MCF2L2: variants seen among roughly 807,000 people sequenced by gnomAD.
The protein encoded by MCF2L2 is probable guanine nucleotide exchange factor MCF2L2.
Under a neutral mutation model 150.2 loss-of-function variants are expected in MCF2L2, and 102 were observed. The ratio of observed to expected loss-of-function variants is 0.68; its 90% CI spans 0.58 to 0.80. The LOEUF (loss-of-function observed/expected upper bound fraction) is 0.80, where lower values mean the gene tolerates loss of function less well. Among genes scored for constraint, MCF2L2 ranks in the 30% least tolerant of loss-of-function variants. The pLI is 0.00. For missense variants in MCF2L2, 1,256 were observed against 1,372.8 expected (o/e 0.91, Z 1.34); for synonymous variants, 465 against 491.3 (o/e 0.95, Z 0.71).
chr3:183,252,987 G>C (rs1724638951), intron 15 of MCF2L2, among the ~76,000 whole-genome samples: 1 of 152,206 alleles, frequency 6.6e-6, no homozygotes, highest in African/African-American at 2.4e-5. Context: ...GAGGAAAATA[G>C]CTCAAAGAGG....
intron 1 of MCF2L2, among the ~76,000 whole-genome samples, chr3:183,427,214 A>G (rs921149364): frequency 2.0e-5 from 3 of 152,202 alleles, no homozygotes. Flanking sequence ...AACTGTCTCA[A>G]TGTCCTCTTG....
intron 15 of MCF2L2, among the ~76,000 whole-genome samples, chr3:183,239,998 T>C (rs1188757981): frequency 6.6e-6 from 1 of 152,128 alleles, no homozygotes; most frequent in Admixed American, 6.5e-5. Flanking sequence ...AAAACACAGG[T>C]GTTGTTTCAA....
At chr3:183,297,950 T>G (rs984875975) in intron 11 of MCF2L2, 1 of 152,234 alleles carries the variant, frequency 6.6e-6, no homozygotes, top group African/African-American at 2.4e-5. Flanking sequence ...CACAGGGTGA[T>G]TAATAAGACA....
intron 3 of MCF2L2, among the ~76,000 whole-genome samples, chr3:183,355,539 C>T (rs191578796): frequency 0.022 from 3,250 of 151,140 alleles, 92 homozygotes; most frequent in African/African-American, 0.068. Flanking sequence ...CTCCGCCTCC[C>T]GGGTTCACAC....
At chr3:183,254,949 C>T (rs1724901791) in intron 15 of MCF2L2, among the ~76,000 whole-genome samples, 1 of 152,198 alleles carries the variant, frequency 6.6e-6, no homozygotes, top group African/African-American at 2.4e-5. Context: ...TAACAGTTTT[C>T]AACTCGACTC....
chr3:183,382,213 C>T (rs1713572270), intron 2 of MCF2L2, among the ~76,000 whole-genome samples: 1 of 152,070 alleles, frequency 6.6e-6, no homozygotes, highest in African/African-American at 2.4e-5. Flanking sequence ...CACATGCCAC[C>T]ACGCCCAGCT....
intron 1 of MCF2L2, among the ~76,000 whole-genome samples, chr3:183,421,996 T>C (rs573769138): frequency 9.2e-5 from 14 of 152,368 alleles, no homozygotes; most frequent in African/African-American, 2.9e-4. Context: ...CCTTTGTTTA[T>C]ATCATACTCA....
intron 25 of MCF2L2, among the ~76,000 whole-genome samples, chr3:183,195,801 C>T (rs1446407070): frequency 1.3e-5 from 2 of 152,200 alleles, no homozygotes; most frequent in South Asian, 4.1e-4. Flanking sequence ...TCACCCTATA[C>T]CTGACTCTCC....
At chr3:183,263,182 G>A (rs1420986473) in intron 15 of MCF2L2, among the ~76,000 whole-genome samples, 3 of 152,240 alleles carry the variant, frequency 2.0e-5, no homozygotes, top group South Asian at 4.1e-4. Context: ...GGCTGATAAG[G>A]TGTCTTGAGT....
chr3:183,361,456 G>T (rs866727412), intron 3 of MCF2L2, among the ~76,000 whole-genome samples: 1 of 152,170 alleles, frequency 6.6e-6, no homozygotes, highest in Non-Finnish European at 1.5e-5. Context: ...CTGTTCTCAT[G>T]ACAGTTAGTG....
At chr3:183,380,588 G>A (rs970032791) in intron 2 of MCF2L2, among the ~76,000 whole-genome samples, 1 of 152,110 alleles carries the variant, frequency 6.6e-6, no homozygotes, top group Admixed American at 6.6e-5. Flanking sequence ...TTTTAGTAGA[G>A]ACGGGGTTTC....
At chr3:183,389,315 GGA>G (rs1355035402) in intron 2 of MCF2L2, among the ~76,000 whole-genome samples, 1 of 152,118 alleles carries the variant, frequency 6.6e-6, no homozygotes, top group Non-Finnish European at 1.5e-5. Context: ...GCAACGCTCG[GGA>G]ACCCTTAGAA....
At chr3:183,222,171 A>G (rs1204395340) in intron 20 of MCF2L2, among the ~76,000 whole-genome samples, 2 of 152,086 alleles carry the variant, frequency 1.3e-5, no homozygotes, top group Non-Finnish European at 2.9e-5. Context: ...TCTGGCCTGA[A>G]AGGGGTAACT....
chr3:183,402,608 C>T (rs911829260), intron 1 of MCF2L2, among the ~76,000 whole-genome samples: 3 of 151,326 alleles, frequency 2.0e-5, no homozygotes, highest in Admixed American at 6.6e-5. Context: ...CGAGACAAGC[C>T]TGGGCAACAT....
chr3:183,347,090 C>T (rs1016861482), intron 3 of MCF2L2, among the ~76,000 whole-genome samples: 4 of 152,040 alleles, frequency 2.6e-5, no homozygotes, highest in South Asian at 2.1e-4. Flanking sequence ...AAAAAGAGCC[C>T]GTATAGCTAA....
intron 8 of MCF2L2, 84 bp downstream of exon 8, chr3:183,311,564 G>T: frequency 1.3e-6 from 2 of 1,494,850 alleles, no homozygotes; most frequent in South Asian, 1.3e-5. Context: ...AATATTGGCT[G>T]TTCCAATCTG....
At chr3:183,186,242 C>T (rs140320704) in intron 27 of MCF2L2, among the ~76,000 whole-genome samples, 171 of 152,118 alleles carry the variant, frequency 1.1e-3, no homozygotes, top group African/African-American at 3.9e-3. Flanking sequence ...TAGTATGGCT[C>T]CATTTAAAAA....
intron 23 of MCF2L2, 133 bp from the exon 24 acceptor site, chr3:183,206,347 C>T (rs1191777341): frequency 1.5e-5 from 10 of 687,340 alleles, no homozygotes; most frequent in East Asian, 2.7e-5. Flanking sequence ...TTTTGCTTTC[C>T]TCTCTTAATG....
chr3:183,238,426 C>G (rs1050739088), intron 15 of MCF2L2, among the ~76,000 whole-genome samples: 1 of 151,910 alleles, frequency 6.6e-6, no homozygotes, highest in Non-Finnish European at 1.5e-5. Flanking sequence ...TCCCGAGTAG[C>G]TGGGACTGCA....
Sources: gnomAD v4.1 joint callset for allele counts (sites outside exome capture counted in the v4.1 genomes callset) on GRCh38, gnomAD v4.1.1 for gene constraint, MANE v1.5 for transcripts, NCBI Gene and HGNC (gene_info 2026-07-23, HGNC 2026-07-21) for gene names.